Variants in FAF1 observed in about 807,000 individuals in gnomAD.
FAF1 encodes the protein Fas associated factor 1, also known as FAS-associated factor 1.
Under a neutral mutation model 92.5 loss-of-function variants are expected in FAF1, and 25 were observed. That is an observed-to-expected ratio of 0.27 (90% CI 0.20 to 0.38). The LOEUF (loss-of-function observed/expected upper bound fraction) is 0.38. Among genes scored for constraint, FAF1 ranks in the 10% least tolerant of loss-of-function variants. The pLI is 1.00. For missense variants in FAF1, 636 were observed against 793.3 expected (o/e 0.80, Z 2.38); for synonymous variants, 234 against 273.2 (o/e 0.86, Z 1.42).
intron 2 of FAF1, among the ~76,000 whole-genome samples, chr1:50,822,767 T>A (rs1644055402): frequency 1.4e-5 from 2 of 146,750 alleles, no homozygotes; most frequent in Admixed American, 6.7e-5. Context: ...TCTTTCTTTC[T>A]TTCTTTCTTT....
Position 50,655,427 on chromosome 1 carries a change from T to C in FAF1, c.744+15A>G, listed in dbSNP as rs777533318. Reference sequence around the variant, plus strand: ...GAAAGGAGGATATAAAACTGAAAATTTGACTGTCACTTACTGAGTCGTCTG... The same window carrying C: ...GAAAGGAGGATATAAAACTGAAAATCTGACTGTCACTTACTGAGTCGTCTG... On this transcript the variant is annotated intron_variant, in intron 8 of 18. Transcript: ENST00000396153. The C allele has an allele frequency of 5.0e-6, 8 of 1,587,162 alleles. No individual in the cohort carries two copies. The highest frequency in any genetic ancestry group is 1.7e-5 in the Admixed American group (1 of 59,528).
intron 9 of FAF1, among the ~76,000 whole-genome samples, chr1:50,589,366 A>G (rs547232733): frequency 6.2e-4 from 94 of 152,038 alleles, no homozygotes; most frequent in African/African-American, 2.2e-3. Context: ...GGGATTCTAG[A>G]CCCAAGCAGG....
At chr1:50,803,066 G>A (rs1662060164) in intron 2 of FAF1, among the ~76,000 whole-genome samples, 1 of 152,214 alleles carries the variant, frequency 6.6e-6, no homozygotes, top group Admixed American at 6.5e-5. Flanking sequence ...TGACGACTCT[G>A]GAGGCTTGTA....
chr1:50,910,711 G>A (rs1011333718), intron 1 of FAF1, among the ~76,000 whole-genome samples: 11 of 151,912 alleles, frequency 7.2e-5, no homozygotes, highest in East Asian at 1.9e-4. Context: ...CTGGTGTGCC[G>A]TTCGCTAAGA....
At chr1:50,484,979 T>C (rs1646746881) in intron 17 of FAF1, among the ~76,000 whole-genome samples, 1 of 145,458 alleles carries the variant, frequency 6.9e-6, no homozygotes, top group South Asian at 2.4e-4. Context: ...GGAGGAGGGA[T>C]AGCATTAGGA....
chr1:50,539,425 A>G (rs1648653048), intron 14 of FAF1, among the ~76,000 whole-genome samples, 167 bp downstream of exon 14: 1 of 152,204 alleles, frequency 6.6e-6, no homozygotes, highest in South Asian at 2.1e-4. Flanking sequence ...TTCATGCAGC[A>G]TATTATTTTT....
Position 50,907,573 on chromosome 1 carries a change from T to C in FAF1, c.46-49576A>G, listed in dbSNP as rs549992676. Among the ~76,000 whole-genome samples the C allele has an allele frequency of 3.3e-5, 5 of 152,330 alleles. No homozygotes were observed. The East Asian group carries it at 7.7e-4, about 24-fold the overall frequency. On this transcript the variant is annotated intron_variant, in intron 1 of 18. Transcript: ENST00000396153. ...AATTTCAGAGCCTGTTATTGGTCTA[T>C]TCAGGGATTCAACTTCTTCCTGGTT...
At chr1:50,863,611 T>G (rs796610601) in intron 1 of FAF1, among the ~76,000 whole-genome samples, 7 of 152,176 alleles carry the variant, frequency 4.6e-5, no homozygotes, top group African/African-American at 1.7e-4. Context: ...ATTCAGTATT[T>G]TATTGAGGAT....
chr1:50,538,383 G>A (rs1390562260), intron 14 of FAF1, among the ~76,000 whole-genome samples: 1 of 151,830 alleles, frequency 6.6e-6, no homozygotes, highest in Non-Finnish European at 1.5e-5. Context: ...GCTTCATCAA[G>A]GACATTCTTA....
chr1:50,862,383 G>C (rs1000030575), intron 1 of FAF1, among the ~76,000 whole-genome samples: 2 of 151,858 alleles, frequency 1.3e-5, no homozygotes, highest in South Asian at 4.1e-4. Context: ...CAAAAATAGA[G>C]AACGCTGGAT....
chr1:50,537,509 T>C (rs1233732167), intron 14 of FAF1, among the ~76,000 whole-genome samples: 1 of 152,180 alleles, frequency 6.6e-6, no homozygotes, highest in Non-Finnish European at 1.5e-5. Flanking sequence ...CTTTTGTTTA[T>C]GTGGATTATG....
chr1:50,472,425 A>T (rs913389274), intron 18 of FAF1, among the ~76,000 whole-genome samples: 1 of 132,682 alleles, frequency 7.5e-6, no homozygotes, highest in Admixed American at 7.3e-5. Flanking sequence ...ACACACACAA[A>T]CCCCAAAACC....
At chr1:50,520,345 G>C (rs116539821) in intron 15 of FAF1, among the ~76,000 whole-genome samples, 217 of 152,294 alleles carry the variant, frequency 1.4e-3, no homozygotes, top group Non-Finnish European at 2.6e-3. Context: ...AGAGGTAAAA[G>C]TGACATGTCA....
intron 2 of FAF1, among the ~76,000 whole-genome samples, chr1:50,855,664 AAAC>A (rs1644385609): frequency 6.6e-6 from 1 of 151,914 alleles, no homozygotes; most frequent in Non-Finnish European, 1.5e-5. Context: ...TCATTTTTAA[AAAC>A]AACAAAGTGA....
chr1:50,614,340 G>A (rs1310111854), intron 8 of FAF1, among the ~76,000 whole-genome samples: 1 of 151,938 alleles, frequency 6.6e-6, no homozygotes, highest in African/African-American at 2.4e-5. Context: ...GTACTACTAA[G>A]TCCGATTATT....
chr1:50,848,725 C>A (rs1393314832), intron 2 of FAF1, among the ~76,000 whole-genome samples: 1 of 152,128 alleles, frequency 6.6e-6, no homozygotes, highest in Non-Finnish European at 1.5e-5. Flanking sequence ...CTCACTCTCT[C>A]ATGAAAAAAC....
chr1:50,681,275 G>A (rs1384212244), intron 7 of FAF1, among the ~76,000 whole-genome samples: 4 of 152,062 alleles, frequency 2.6e-5, no homozygotes, highest in Admixed American at 6.6e-5. Flanking sequence ...TTGAAGTCCT[G>A]ACCTCAAGTG....
chr1:50,914,359 G>A (rs1220635374), intron 1 of FAF1, among the ~76,000 whole-genome samples: 2 of 152,114 alleles, frequency 1.3e-5, no homozygotes, highest in African/African-American at 4.8e-5. Context: ...TTTAATATAA[G>A]CTAGAATAAA....
intron 1 of FAF1, among the ~76,000 whole-genome samples, chr1:50,955,276 A>G (rs1304370976): frequency 6.6e-6 from 1 of 152,226 alleles, no homozygotes; most frequent in Non-Finnish European, 1.5e-5. Flanking sequence ...TCTTTGTTAC[A>G]AAACCATTAA....
Sources: allele counts gnomAD v4.1 joint callset (sites outside exome capture counted in the v4.1 genomes callset), GRCh38; gene constraint gnomAD v4.1.1; transcripts MANE v1.5; gene names NCBI Gene and HGNC (gene_info 2026-07-23, HGNC 2026-07-21).